SOX6: variants seen among roughly 807,000 people sequenced by gnomAD.
SOX6 encodes the protein transcription factor SOX-6.
A neutral mutation model predicts 97.8 loss-of-function variants in SOX6; 11 were observed. That is an observed-to-expected ratio of 0.11 (90% CI 0.07 to 0.19). The LOEUF (loss-of-function observed/expected upper bound fraction) is 0.19. SOX6 is among the 10% of genes least tolerant of loss of function. SOX6 has a pLI of 1.00. For synonymous variants in SOX6, 360 were observed against 371.4 expected (o/e 0.97, Z 0.35); for missense variants, 810 against 1,039.5 (o/e 0.78, Z 3.04).
At chr11:16,045,617 G>A (rs1325698962) in intron 12 of SOX6, among the ~76,000 whole-genome samples, 3 of 152,044 alleles carry the variant, frequency 2.0e-5, no homozygotes, top group Non-Finnish European at 4.4e-5. Context: ...ATGATCCCCG[G>A]CTGTGTCGTC....
chr11:16,047,866 A>G (rs982444538), intron 11 of SOX6, among the ~76,000 whole-genome samples: 4 of 151,682 alleles, frequency 2.6e-5, no homozygotes, highest in Non-Finnish European at 4.4e-5. Context: ...CAAGCTATAC[A>G]TGGAATTTTT....
intron 3 of SOX6, among the ~76,000 whole-genome samples, chr11:16,687,478 C>T (rs1847978483): frequency 6.6e-6 from 1 of 152,180 alleles, no homozygotes; most frequent in African/African-American, 2.4e-5. Context: ...CAGGGTTTCA[C>T]CATGTTGGCC....
intron 9 of SOX6, among the ~76,000 whole-genome samples, chr11:16,070,193 G>C (rs540162866): frequency 3.3e-5 from 5 of 152,010 alleles, no homozygotes; most frequent in Non-Finnish European, 7.4e-5. Flanking sequence ...TAAATTGAAA[G>C]AATAGTTTCC....
At chr11:16,171,598 G>A (rs1320487461) in intron 6 of SOX6, among the ~76,000 whole-genome samples, 2 of 151,876 alleles carry the variant, frequency 1.3e-5, no homozygotes, top group Admixed American at 6.6e-5. Context: ...AAAGGCAGAT[G>A]TCAGGATGTG....
chr11:16,736,608 C>T (rs1848392869), intron 1 of SOX6: 1 of 152,154 alleles, frequency 6.6e-6, no homozygotes, highest in Admixed American at 6.5e-5. Flanking sequence ...TTTTAGCAGT[C>T]TAAAGTACCT....
intron 3 of SOX6, among the ~76,000 whole-genome samples, chr11:16,665,848 CTGTT>C (rs973907946): frequency 4.6e-5 from 7 of 152,298 alleles, no homozygotes; most frequent in African/African-American, 9.6e-5. Context: ...CACAGAGAGA[CTGTT>C]TGTTTGGGAG....
At chr11:16,142,580 T>C (rs576581070) in intron 6 of SOX6, among the ~76,000 whole-genome samples, 1 of 152,042 alleles carries the variant, frequency 6.6e-6, no homozygotes, top group African/African-American at 2.4e-5. Flanking sequence ...TTCGAACCCA[T>C]CACAAAGAAG....
At chr11:16,707,463 T>C (rs1848146131) in intron 3 of SOX6, among the ~76,000 whole-genome samples, 1 of 152,162 alleles carries the variant, frequency 6.6e-6, no homozygotes, top group Non-Finnish European at 1.5e-5. Flanking sequence ...ATCAGTGTTT[T>C]GAATTCTTTT....
At chr11:16,429,068 T>TA (rs1159496230) in intron 1 of SOX6, among the ~76,000 whole-genome samples, 5 of 152,064 alleles carry the variant, frequency 3.3e-5, no homozygotes, top group African/African-American at 1.2e-4. Flanking sequence ...AACAATCATA[T>TA]AAAAAAAGTT....
intron 3 of SOX6, among the ~76,000 whole-genome samples, chr11:16,683,782 A>G (rs1847946863): frequency 1.3e-5 from 2 of 152,214 alleles, no homozygotes; most frequent in Admixed American, 6.5e-5. Context: ...AGAAACTATC[A>G]TCGGAGTGAG....
chr11:16,172,313 T>C (rs757520907), intron 6 of SOX6, among the ~76,000 whole-genome samples: 43 of 152,064 alleles, frequency 2.8e-4, no homozygotes, highest in Non-Finnish European at 2.9e-4. Context: ...CTTGCAACAC[T>C]AAAATTAAGT....
Position 16,564,487 on chromosome 11 carries a change from A to G in SOX6, n.609+47594T>C, listed in dbSNP as rs369415483. On this transcript the variant is annotated intron_variant and non_coding_transcript_variant, in intron 4 of 5. Transcript: ENST00000524520. ...ACAGAATCTAATCAACATTCATAGAATACTCCATTCAATGACAGAATACAC... is the reference window on the plus strand; with the variant it reads ...ACAGAATCTAATCAACATTCATAGAGTACTCCATTCAATGACAGAATACAC... Among the ~76,000 whole-genome samples, 41 of 152,310 alleles carry G rather than the reference A, an allele frequency of 2.7e-4. No homozygotes were observed. In the South Asian group the frequency reaches 4.8e-3, roughly 18 times the overall value.
chr11:15,995,543 T>C (rs900262695), intron 13 of SOX6, among the ~76,000 whole-genome samples: 1 of 151,770 alleles, frequency 6.6e-6, no homozygotes, highest in Non-Finnish European at 1.5e-5. Context: ...ACCAGGAAAA[T>C]GTGACTCAGA....
intron 4 of SOX6, among the ~76,000 whole-genome samples, chr11:16,188,586 T>C (rs570615240): frequency 1.1e-4 from 17 of 152,180 alleles, no homozygotes; most frequent in Non-Finnish European, 2.2e-4. Context: ...TGTTAATATA[T>C]ACAGGAATGA....
At chr11:16,389,323 C>T (rs1858088016) in intron 1 of SOX6, among the ~76,000 whole-genome samples, 1 of 152,168 alleles carries the variant, frequency 6.6e-6, no homozygotes, top group Non-Finnish European at 1.5e-5. Context: ...CTCAAGCAGT[C>T]CTCCTGCCTA....
At chr11:16,279,500 T>C (rs1029451924) in intron 3 of SOX6, among the ~76,000 whole-genome samples, 1 of 152,134 alleles carries the variant, frequency 6.6e-6, no homozygotes, top group African/African-American at 2.4e-5. Context: ...TTTCTTTATA[T>C]GCTAAATGTT....
chr11:16,347,217 A>T (rs1471707573), intron 1 of SOX6, among the ~76,000 whole-genome samples: 1 of 152,104 alleles, frequency 6.6e-6, no homozygotes, highest in Non-Finnish European at 1.5e-5. Flanking sequence ...ATAATTATTA[A>T]GTGTCCCTGA....
At chr11:16,287,418 T>C (rs1052250258) in intron 3 of SOX6, among the ~76,000 whole-genome samples, 22 of 151,286 alleles carry the variant, frequency 1.5e-4, no homozygotes, top group African/African-American at 4.9e-4. Context: ...GCCAACTGAG[T>C]TCATGCAATC....
At chr11:16,008,767 T>C (rs1047133168) in intron 13 of SOX6, among the ~76,000 whole-genome samples, 1 of 152,116 alleles carries the variant, frequency 6.6e-6, no homozygotes, top group African/African-American at 2.4e-5. Flanking sequence ...ATAGTGCTGA[T>C]ATAAACTGGT....
Sources: allele counts gnomAD v4.1 joint callset (sites outside exome capture counted in the v4.1 genomes callset), GRCh38; gene constraint gnomAD v4.1.1; transcripts MANE v1.5; gene names NCBI Gene and HGNC (gene_info 2026-07-23, HGNC 2026-07-21).